Variants in TRIM2 observed in about 807,000 individuals in gnomAD.
The protein encoded by TRIM2 is tripartite motif-containing protein 2.
TRIM2 carries 20 observed loss-of-function variants against 75.2 expected under a neutral mutation model. That is an observed-to-expected ratio of 0.27 (90% CI 0.19 to 0.39). The LOEUF (loss-of-function observed/expected upper bound fraction) is 0.39, where lower values mean the gene tolerates loss of function less well. Ranked by LOEUF, TRIM2 falls within the 10% of genes least tolerant of loss-of-function variation. The pLI is 1.00. For missense variants in TRIM2, 660 were observed against 990.8 expected (o/e 0.67, Z 4.48); for synonymous variants, 373 against 388.3 (o/e 0.96, Z 0.46).
chr4:153,338,886 T>C lies in TRIM2; in HGVS notation c.*3920T>C. 5 of 985,752 alleles carry C rather than the reference T, an allele frequency of 5.1e-6. No individual in the cohort carries two copies. Among genetic ancestry groups the C allele is most frequent in the Non-Finnish European group, 6.0e-6 (5 of 829,846 alleles). The allele number at this position is 985,752 out of a possible 1,614,324, so 61.1% of individuals were successfully genotyped here. The stretch of plus-strand genomic sequence containing the variant: ...TTCTGTCATCAATGGAGTGTATTCT[T>C]GTAATAGAATTCTTTATATCGTTCT... On this transcript the variant is annotated 3_prime_UTR_variant, in exon 12 of 12. Transcript: ENST00000338700.
At chr4:153,217,303 A>G (rs1050317521) in intron 1 of TRIM2, among the ~76,000 whole-genome samples, 1 of 152,186 alleles carries the variant, frequency 6.6e-6, no homozygotes, top group African/African-American at 2.4e-5. Context: ...GCTGTCACTG[A>G]AATACAAAGT....
intron 1 of TRIM2, among the ~76,000 whole-genome samples, chr4:153,194,992 A>G (rs574396392): frequency 2.6e-5 from 4 of 152,330 alleles, no homozygotes; most frequent in African/African-American, 7.2e-5. Flanking sequence ...AGAACCACAA[A>G]ATGTGACCTT....
intron 10 of TRIM2, 76 bp downstream of exon 10, chr4:153,324,224 A>G (rs1461975993): frequency 1.2e-5 from 15 of 1,245,624 alleles, no homozygotes; most frequent in African/African-American, 3.0e-5. Context: ...AAATAATGCA[A>G]TACTTACATA....
chr4:153,264,461 G>A (rs1754399225), intron 1 of TRIM2, among the ~76,000 whole-genome samples: 1 of 152,184 alleles, frequency 6.6e-6, no homozygotes, highest in African/African-American at 2.4e-5. Context: ...TAGAAGAGCA[G>A]TTCTATATTC....
rs202123301 is a variant in TRIM2, at chr4:153,290,984, G to A, written c.454-1998G>A. ...AAGAAATTTCCAGTTAATGTTTCAAGCCTATTCCTAAAAGGCCTGCAGAGG... is the reference window on the plus strand; with the variant it reads ...AAGAAATTTCCAGTTAATGTTTCAAACCTATTCCTAAAAGGCCTGCAGAGG... On this transcript the variant is annotated intron_variant, in intron 3 of 11. Coordinates refer to ENST00000338700, the MANE Select transcript of TRIM2 (RefSeq NM_015271.5). Among the ~76,000 whole-genome samples the A allele has an allele frequency of 1.2e-4, 18 of 151,916 alleles. No homozygotes were observed. The East Asian group carries it at 3.1e-3, about 26-fold the overall frequency.
At chr4:153,194,081 C>T (rs1733517343) in intron 1 of TRIM2, among the ~76,000 whole-genome samples, 1 of 152,122 alleles carries the variant, frequency 6.6e-6, no homozygotes, top group Non-Finnish European at 1.5e-5. Flanking sequence ...AGCATCCAGC[C>T]AGTGGCTTAC....
chr4:153,236,802 C>G (rs1204298062), intron 1 of TRIM2, among the ~76,000 whole-genome samples: 1 of 152,044 alleles, frequency 6.6e-6, no homozygotes, highest in Non-Finnish European at 1.5e-5. Context: ...AGAGATCCTC[C>G]CAACTCAGCC....
chr4:153,154,540 G>A (rs1729043060), intron 1 of TRIM2, among the ~76,000 whole-genome samples: 1 of 152,220 alleles, frequency 6.6e-6, no homozygotes, highest in Non-Finnish European at 1.5e-5. Context: ...CGATTTCTGC[G>A]TGTCTTCCAT....
rs922431166 is a variant in TRIM2 at position 153,320,682 on chromosome 4, G to A, written c.1783-1966G>A. 3.9e-5 allele frequency among the ~76,000 whole-genome samples: 6 copies of A among 152,306 alleles called. No individual in the cohort carries two copies. In the East Asian group the frequency reaches 1.2e-3, roughly 29 times the overall value. On this transcript the variant is annotated intron_variant, in intron 8 of 11. Coordinates refer to ENST00000338700, the MANE Select transcript of TRIM2 (RefSeq NM_015271.5). ...GAGTCTCGCTCTGTCACCCAGGCTG[G>A]AGTGAGGTGGCGCGACCTTGGCTAA...
upstream of TRIM2, among the ~76,000 whole-genome samples, chr4:153,203,624 G>C (rs990455818): frequency 4.0e-5 from 6 of 151,296 alleles, no homozygotes; most frequent in Non-Finnish European, 8.8e-5. Flanking sequence ...AGGCGCAGTG[G>C]CACACTCCTG....
At position 153,329,378 on chromosome 4, in the gene TRIM2, G is replaced by A. The variant is rs184759240; in HGVS notation, c.2163+708G>A. 9.7e-4 allele frequency among the ~76,000 whole-genome samples: 147 copies of A among 151,900 alleles called. 1 individual carries two copies. Among genetic ancestry groups the A allele is most frequent in the Admixed American group, 3.3e-4 (5 of 15,264 alleles). On this transcript the variant is annotated intron_variant, in intron 11 of 11. Transcript: ENST00000338700. ...GACTGAATGAAAATGCAAATAGAACGTATCAAAATTTGTGGAATTTAGCAA... is the reference window on the plus strand; with the variant it reads ...GACTGAATGAAAATGCAAATAGAACATATCAAAATTTGTGGAATTTAGCAA...
At chr4:153,226,623 A>T (rs1395307130) in intron 1 of TRIM2, among the ~76,000 whole-genome samples, 2 of 152,216 alleles carry the variant, frequency 1.3e-5, no homozygotes, top group African/African-American at 4.8e-5. Flanking sequence ...TCATTGGTCC[A>T]ACCTAAAATA....
intron 1 of TRIM2, among the ~76,000 whole-genome samples, chr4:153,213,590 C>T (rs912812389): frequency 5.3e-5 from 8 of 152,116 alleles, no homozygotes; most frequent in African/African-American, 1.2e-4. Context: ...TGCAGTGGCA[C>T]GATTTTGGCT....
chr4:153,324,681 G>A (rs1417993244), intron 10 of TRIM2, among the ~76,000 whole-genome samples: 1 of 152,090 alleles, frequency 6.6e-6, no homozygotes, highest in Non-Finnish European at 1.5e-5. Context: ...AGGTACCAGG[G>A]GAGAGAGAAT....
intron 3 of TRIM2, among the ~76,000 whole-genome samples, chr4:153,292,085 T>C (rs1560959039): frequency 1.3e-5 from 2 of 152,226 alleles, no homozygotes; most frequent in Admixed American, 1.3e-4. Context: ...CAAGACGTTT[T>C]CAAGCAGTCT....
intron 1 of TRIM2, among the ~76,000 whole-genome samples, chr4:153,212,637 C>T (rs936231708): frequency 5.3e-5 from 8 of 151,666 alleles, no homozygotes; most frequent in Non-Finnish European, 1.2e-4. Flanking sequence ...GCCTGGGCAA[C>T]GAAGTGAGAC....
intron 1 of TRIM2, among the ~76,000 whole-genome samples, chr4:153,221,170 G>A (rs1739865663): frequency 6.6e-6 from 1 of 152,204 alleles, no homozygotes; most frequent in Non-Finnish European, 1.5e-5. Context: ...AAAAAGTCAT[G>A]AAGTACTGAC....
chr4:153,281,714 C>T (rs1055749330), intron 3 of TRIM2, among the ~76,000 whole-genome samples: 7 of 152,204 alleles, frequency 4.6e-5, no homozygotes, highest in African/African-American at 1.7e-4. Flanking sequence ...TGCTGTGACA[C>T]TATCTGTCTT....
In TRIM2 at chr4:153,322,654, A is replaced by G. The variant is rs1309663999; in HGVS notation, c.1789A>G (p.Ile597Val). The change falls in exon 9 of 12, where the codon ATT becomes GTT. Residue 597 changes from isoleucine (I) to valine (V), a missense_variant. Coordinates refer to ENST00000338700, the MANE Select transcript of TRIM2 (RefSeq NM_015271.5). The part of the protein sequence containing the change: ...FSSDGKFKTK[I>V]GSGKLMGPKG... The stretch of plus-strand genomic sequence containing the variant: ...CTGTACTTGTTTCAAACAGACAAAA[A>G]TTGGATCAGGAAAGCTGATGGGACC... 1.2e-6 allele frequency: 2 copies of G among 1,613,562 alleles called. No individual in the cohort carries two copies. The highest frequency in any genetic ancestry group is 1.7e-6 in the Non-Finnish European group (2 of 1,179,580).
Sources: gnomAD v4.1 joint callset for allele counts (sites outside exome capture counted in the v4.1 genomes callset) on GRCh38, gnomAD v4.1.1 for gene constraint, MANE v1.5 for transcripts, NCBI Gene and HGNC (gene_info 2026-07-23, HGNC 2026-07-21) for gene names.